The following CTNND2 variants were observed in gnomAD, a reference collection of about 807,000 sequenced individuals.
The protein encoded by CTNND2 is catenin delta-2.
Under a neutral mutation model 144.4 loss-of-function variants are expected in CTNND2, and 22 were observed. That is an observed-to-expected ratio of 0.15 (90% confidence interval 0.11 to 0.22). CTNND2 has a LOEUF of 0.22. Among genes scored for constraint, CTNND2 ranks in the 10% least tolerant of loss-of-function variants. The pLI is 1.00. For missense variants in CTNND2, 1,353 were observed against 1,618.8 expected, an observed-to-expected ratio of 0.84 and a Z score of 2.82; for synonymous variants, 751 against 695.6, an observed-to-expected ratio of 1.08 and a Z score of -1.25.
intron 1 of CTNND2, among the ~76,000 whole-genome samples, chr5:11,807,493 GCAAATGTGCTCCACACTCC>G (rs1173121729): frequency 6.6e-6 from 1 of 152,070 alleles, no homozygotes; most frequent in African/African-American, 2.4e-5. Context: ...TATTACATTA[GCAAATGTGCTCCACACTCC>G]CAATGTCATC....
chr5:11,567,153 A>AT (rs911204966), intron 2 of CTNND2, among the ~76,000 whole-genome samples: 168 of 151,530 alleles, frequency 1.1e-3, no homozygotes, highest in African/African-American at 4.0e-3. Context: ...TTTATTTTGT[A>AT]TTTTTTTATT....
chr5:11,284,494 A>G (rs1747518851), intron 9 of CTNND2, among the ~76,000 whole-genome samples: 1 of 152,084 alleles, frequency 6.6e-6, no homozygotes, highest in Non-Finnish European at 1.5e-5. Flanking sequence ...GTTCCCACTT[A>G]GAGGAGAGAA....
chr5:11,181,897 G>GTGTGTA (rs200866510), intron 11 of CTNND2, among the ~76,000 whole-genome samples: 4,187 of 148,196 alleles, frequency 0.028, 203 homozygotes, highest in African/African-American at 0.096. Context: ...GATGTGTGTG[G>GTGTGTA]TGTGTATGTG....
At chr5:11,096,868 T>A (rs777014754) in intron 15 of CTNND2, among the ~76,000 whole-genome samples, 2 of 152,048 alleles carry the variant, frequency 1.3e-5, no homozygotes, top group Non-Finnish European at 2.9e-5. Context: ...ACAATCTAGA[T>A]CTTTGTGTCT....
Position 11,519,999 on chromosome 5 carries a change from C to A in CTNND2, c.287+44945G>T, listed in dbSNP as rs1436854791. Among the ~76,000 whole-genome samples the A allele has an allele frequency of 1.3e-3, 184 of 147,128 alleles. 1 individual carries two copies. Among genetic ancestry groups the A allele is most frequent in the Admixed American group, 0.01 (150 of 14,712 alleles). ...ACTAAAAATAGAATAAAAAAAAAAACAGCTGGGCGTGGTGGTGGGTGCCTG... is the reference window on the plus strand; with the variant it reads ...ACTAAAAATAGAATAAAAAAAAAAAAAGCTGGGCGTGGTGGTGGGTGCCTG... On this transcript the variant is annotated intron_variant, in intron 3 of 21. Transcript: ENST00000304623.
chr5:11,819,986 C>T (rs1793225257), intron 1 of CTNND2, among the ~76,000 whole-genome samples: 1 of 152,160 alleles, frequency 6.6e-6, no homozygotes, highest in South Asian at 2.1e-4. Flanking sequence ...TCCTGTATTC[C>T]AATCCCTGTC....
intron 9 of CTNND2, among the ~76,000 whole-genome samples, chr5:11,282,691 A>G (rs1354735626): frequency 6.6e-6 from 1 of 152,220 alleles, no homozygotes; most frequent in African/African-American, 2.4e-5. Flanking sequence ...ATTAATTCTG[A>G]TAAAAAGTGG....
At chr5:11,361,899 C>T (rs1756490179) in intron 8 of CTNND2, among the ~76,000 whole-genome samples, 1 of 152,236 alleles carries the variant, frequency 6.6e-6, no homozygotes, top group South Asian at 2.1e-4. Flanking sequence ...TGCCCCACTT[C>T]TCTTGCAGTA....
At chr5:11,156,060 C>T (rs1465364890) in intron 12 of CTNND2, among the ~76,000 whole-genome samples, 2 of 152,118 alleles carry the variant, frequency 1.3e-5, no homozygotes, top group Admixed American at 1.3e-4. Context: ...GTGGGGACAG[C>T]CACTGATATT....
intron 18 of CTNND2, among the ~76,000 whole-genome samples, chr5:11,004,770 CAAAAAAAAA>C (rs56261802): frequency 1.1e-5 from 1 of 88,856 alleles, no homozygotes; most frequent in African/African-American, 4.1e-5. Flanking sequence ...CTCCTTCTCA[CAAAAAAAAA>C]AAAAAAAAAA....
intron 2 of CTNND2, among the ~76,000 whole-genome samples, chr5:11,569,857 A>C (rs1362339074): frequency 6.6e-6 from 1 of 152,144 alleles, no homozygotes; most frequent in Non-Finnish European, 1.5e-5. Context: ...AGGTGACTAG[A>C]TGAACCAGGA....
chr5:11,567,158 T>C (rs1777182029), intron 2 of CTNND2, among the ~76,000 whole-genome samples: 1 of 151,962 alleles, frequency 6.6e-6, no homozygotes, highest in Admixed American at 6.6e-5. Context: ...TTTGTATTTT[T>C]TTATTTTTTT....
intron 2 of CTNND2, among the ~76,000 whole-genome samples, chr5:11,629,548 G>A (rs571401698): frequency 6.6e-6 from 1 of 152,180 alleles, no homozygotes; most frequent in South Asian, 2.1e-4. Flanking sequence ...GAGAGATCAC[G>A]ACATAAACAG....
intron 2 of CTNND2, among the ~76,000 whole-genome samples, chr5:11,642,374 A>G (rs149891176): frequency 6.6e-6 from 1 of 152,372 alleles, no homozygotes; most frequent in Non-Finnish European, 1.5e-5. Context: ...AAGGAATCAT[A>G]GAACAAGGGG....
chr5:11,295,217 G>T (rs1388541601), intron 9 of CTNND2, among the ~76,000 whole-genome samples: 1 of 152,114 alleles, frequency 6.6e-6, no homozygotes, highest in Admixed American at 6.5e-5. Flanking sequence ...AATCATGAGT[G>T]AACTCCCATT....
intron 7 of CTNND2, among the ~76,000 whole-genome samples, chr5:11,373,033 C>T (rs1757604901): frequency 1.3e-5 from 2 of 152,248 alleles, no homozygotes; most frequent in South Asian, 4.1e-4. Flanking sequence ...TATAGCTAGA[C>T]ACTGGCAATG....
intron 3 of CTNND2, among the ~76,000 whole-genome samples, chr5:11,486,533 A>G (rs1768849634): frequency 6.6e-6 from 1 of 152,188 alleles, no homozygotes; most frequent in African/African-American, 2.4e-5. Context: ...AGGAAGGAAG[A>G]AAGAAGGTAG....
chr5:11,039,373 C>A (rs1012416819), intron 16 of CTNND2, among the ~76,000 whole-genome samples: 1 of 152,116 alleles, frequency 6.6e-6, no homozygotes, highest in African/African-American at 2.4e-5. Flanking sequence ...ATAAGAAAAC[C>A]CCTTTCTCAT....
chr5:11,095,541 A>C (rs12517840), intron 15 of CTNND2, among the ~76,000 whole-genome samples: 20,382 of 152,140 alleles, frequency 0.13, 1,564 homozygotes, highest in African/African-American at 0.22. Flanking sequence ...GAGAAAAATA[A>C]TCACATTTGA....
Sources: gnomAD v4.1 joint callset for allele counts (sites outside exome capture counted in the v4.1 genomes callset) on GRCh38, gnomAD v4.1.1 for gene constraint, MANE v1.5 for transcripts, NCBI Gene and HGNC (gene_info 2026-07-23, HGNC 2026-07-21) for gene names.